SBF2: variants seen among roughly 807,000 people sequenced by gnomAD.
The protein encoded by SBF2 is myotubularin-related protein 13.
In SBF2, 112 loss-of-function variants were observed where a neutral mutation model predicts 225.2. The observed-to-expected ratio is 0.50, with a 90% CI of 0.43 to 0.58. The LOEUF (loss-of-function observed/expected upper bound fraction) is 0.58. Among genes scored for constraint, SBF2 ranks in the 20% least tolerant of loss-of-function variants. SBF2 has a pLI of 0.00. For synonymous variants in SBF2, 763 were observed against 773.3 expected, an observed-to-expected ratio of 0.99 and a Z score of 0.22; for missense variants, 1,996 against 2,206.2, an observed-to-expected ratio of 0.90 and a Z score of 1.91.
At chr11:10,058,829 G>C (rs1950340032) in intron 2 of SBF2, among the ~76,000 whole-genome samples, 1 of 152,114 alleles carries the variant, frequency 6.6e-6, no homozygotes, top group Non-Finnish European at 1.5e-5. Context: ...AATCCTACAA[G>C]CCAGAAGAGA....
At chr11:9,926,199 C>A (rs570735649) in intron 16 of SBF2, among the ~76,000 whole-genome samples, 1 of 152,134 alleles carries the variant, frequency 6.6e-6, no homozygotes, top group African/African-American at 2.4e-5. Context: ...CATTTCTACA[C>A]TGCATAAGTA....
At chr11:10,121,562 C>T (rs1446370793) in intron 2 of SBF2, among the ~76,000 whole-genome samples, 1 of 152,142 alleles carries the variant, frequency 6.6e-6, no homozygotes, top group Non-Finnish European at 1.5e-5. Context: ...CTAGTATTCT[C>T]GAAACCAATT....
At chr11:9,919,824 C>T (rs1713522908) in intron 16 of SBF2, among the ~76,000 whole-genome samples, 1 of 152,060 alleles carries the variant, frequency 6.6e-6, no homozygotes, top group South Asian at 2.1e-4. Context: ...CTCCACCTCC[C>T]AGGTTCAAGT....
intron 17 of SBF2, among the ~76,000 whole-genome samples, chr11:9,894,044 G>C (rs902857485): frequency 6.8e-6 from 1 of 147,616 alleles, no homozygotes; most frequent in Admixed American, 6.7e-5. Flanking sequence ...CTAGGAATTT[G>C]AGACCAGCCT....
chr11:10,272,144 C>T (rs1962530700), intron 1 of SBF2: 1 of 1,133,848 alleles, frequency 8.8e-7, no homozygotes, highest in African/African-American at 1.6e-5. Flanking sequence ...ATTCTGCATA[C>T]AGTACTGTTG....
intron 2 of SBF2, 65 bp from the exon 3 acceptor site, chr11:10,043,046 G>A (rs1949715135): frequency 6.6e-7 from 1 of 1,514,298 alleles, no homozygotes; most frequent in Admixed American, 1.8e-5. Flanking sequence ...TAATCTCTGA[G>A]AAATTTTAAA....
chr11:9,899,534 A>C (rs1455176375), intron 16 of SBF2, among the ~76,000 whole-genome samples: 1 of 150,148 alleles, frequency 6.7e-6, no homozygotes, highest in Non-Finnish European at 1.5e-5. Flanking sequence ...AAGAGTTATT[A>C]CATCTAAATT....
At chr11:9,940,648 G>T (rs1037621531) in intron 16 of SBF2, among the ~76,000 whole-genome samples, 1 of 152,098 alleles carries the variant, frequency 6.6e-6, no homozygotes. Flanking sequence ...TACTTGGCCT[G>T]AAAGATTTAC....
chr11:9,936,744 T>G (rs191655328), intron 16 of SBF2, among the ~76,000 whole-genome samples: 1 of 152,174 alleles, frequency 6.6e-6, no homozygotes, highest in Non-Finnish European at 1.5e-5. Flanking sequence ...TAGGTGGGAA[T>G]TGAACAATGA....
chr11:9,823,745 C>T lies in SBF2; in HGVS notation c.3793+5611G>A, dbSNP rs114016537. Among the ~76,000 whole-genome samples, 1,309 of 152,266 alleles carry T rather than the reference C, an allele frequency of 8.6e-3. 17 individuals are homozygous for T. Among genetic ancestry groups the T allele is most frequent in the African/African-American group, 0.03 (1,236 of 41,532 alleles). On this transcript the variant is annotated intron_variant, in intron 28 of 39. Transcript: ENST00000256190. ...CTTAACTTGCTTGCCTCAGTTCATT[C>T]GTCCTACTTTGAGAAGGAATGACAC...
intron 17 of SBF2, among the ~76,000 whole-genome samples, chr11:9,859,722 G>A (rs1857575598): frequency 6.6e-6 from 1 of 152,140 alleles, no homozygotes; most frequent in Non-Finnish European, 1.5e-5. Context: ...AGATATATAA[G>A]ACATCTGGTA....
At chr11:10,133,177 A>T (rs2135106285) in intron 2 of SBF2, among the ~76,000 whole-genome samples, 1 of 149,588 alleles carries the variant, frequency 6.7e-6, no homozygotes. Flanking sequence ...GTGTATTTAC[A>T]ATCCCTGAGC....
chr11:10,247,113 T>G (rs894404609), intron 1 of SBF2, among the ~76,000 whole-genome samples: 1 of 152,064 alleles, frequency 6.6e-6, no homozygotes, highest in African/African-American at 2.4e-5. Context: ...ACACCAATCT[T>G]ACATAAACTT....
chr11:10,083,931 C>T (rs754009448), intron 2 of SBF2, among the ~76,000 whole-genome samples: 3 of 152,196 alleles, frequency 2.0e-5, no homozygotes, highest in East Asian at 1.9e-4. Context: ...CTTGAGGCCA[C>T]GAGTTCAAGA....
chr11:10,299,106 A>C (rs753634868), upstream of SBF2, among the ~76,000 whole-genome samples: 12 of 152,130 alleles, frequency 7.9e-5, no homozygotes, highest in Non-Finnish European at 1.2e-4. Context: ...TGGGAGGCCA[A>C]GTTGGGCGGA....
intron 2 of SBF2, among the ~76,000 whole-genome samples, chr11:10,125,525 T>G (rs1332252937): frequency 1.3e-5 from 2 of 152,190 alleles, no homozygotes; most frequent in African/African-American, 4.8e-5. Context: ...GCCTTTTATA[T>G]GTGTGTCTGT....
chr11:10,195,860 G>A (rs1957338493), intron 1 of SBF2, among the ~76,000 whole-genome samples: 1 of 152,166 alleles, frequency 6.6e-6, no homozygotes, highest in African/African-American at 2.4e-5. Flanking sequence ...GAAGGATTTT[G>A]TTAAGAGTAA....
chr11:10,266,095 A>G lies in SBF2; in HGVS notation c.55+27920T>C, dbSNP rs1453551402. The stretch of plus-strand genomic sequence containing the variant: ...GCTTATCAGTTCATTTAATCCTCAT[A>G]ACAATCACATGAGGCAGCTACTACT... On this transcript the variant is annotated intron_variant, in intron 1 of 39. Transcript: ENST00000256190. Among the ~76,000 whole-genome samples the G allele has an allele frequency of 2.6e-5, 4 of 152,198 alleles. No individual in the cohort carries two copies. In the East Asian group the frequency reaches 7.7e-4, roughly 29 times the overall value.
intron 4 of SBF2, 63 bp downstream of exon 4, chr11:10,030,985 A>G (rs941591048): frequency 3.0e-5 from 42 of 1,397,054 alleles, no homozygotes; most frequent in Non-Finnish European, 4.0e-5. Flanking sequence ...AACTTGTACC[A>G]TGGTTCATTC....
Sources: gnomAD v4.1 joint callset for allele counts (sites outside exome capture counted in the v4.1 genomes callset) on GRCh38, gnomAD v4.1.1 for gene constraint, MANE v1.5 for transcripts, NCBI Gene and HGNC (gene_info 2026-07-23, HGNC 2026-07-21) for gene names.